Variants in CPNE5 observed in about 807,000 individuals in gnomAD.
CPNE5 encodes the protein copine-5.
In CPNE5, 42 loss-of-function variants were observed where a neutral mutation model predicts 81.1. The ratio of observed to expected loss-of-function variants is 0.52; its 90% CI spans 0.40 to 0.67. CPNE5 has a LOEUF of 0.67. Among genes scored for constraint, CPNE5 ranks in the 30% least tolerant of loss-of-function variants. The pLI is 0.00. For missense variants in CPNE5, 612 were observed against 815.5 expected (o/e 0.75, Z 3.04); for synonymous variants, 313 against 321.5 (o/e 0.97, Z 0.28).
At chr6:36,783,037 C>T (rs1370208631) in intron 8 of CPNE5, among the ~76,000 whole-genome samples, 5 of 152,166 alleles carry the variant, frequency 3.3e-5, no homozygotes, top group African/African-American at 9.7e-5. Context: ...GCCTGTGTCA[C>T]ATCCTGGTCC....
chr6:36,807,912 C>T lies in CPNE5; in HGVS notation c.184-7842G>A, dbSNP rs546700647. 5.9e-4 allele frequency among the ~76,000 whole-genome samples: 90 copies of T among 152,206 alleles called. 1 individual carries two copies. In the South Asian group the frequency reaches 0.018, roughly 31 times the overall value. ...AGAGACCTGGGGCCTAGAGAAGAAA[C>T]TCACTGTGGCCACCAGCAGGGAAGG... On this transcript the variant is annotated intron_variant, in intron 3 of 20. Coordinates refer to ENST00000244751, the MANE Select transcript of CPNE5 (RefSeq NM_020939.2).
intron 3 of CPNE5, among the ~76,000 whole-genome samples, chr6:36,801,485 C>T (rs1048171272): frequency 6.6e-6 from 1 of 152,196 alleles, no homozygotes; most frequent in Non-Finnish European, 1.5e-5. Context: ...CTAGGCCAAC[C>T]ATCCCATCAA....
intron 17 of CPNE5, 74 bp from the exon 18 acceptor site, chr6:36,745,224 G>A: frequency 6.9e-7 from 1 of 1,449,154 alleles, no homozygotes; most frequent in Non-Finnish European, 9.6e-7. Flanking sequence ...CAAGGACCCT[G>A]AACACTTTGG....
At chr6:36,832,614 TTGA>T (rs1306071268) in intron 1 of CPNE5, among the ~76,000 whole-genome samples, 1 of 150,198 alleles carries the variant, frequency 6.7e-6, no homozygotes, top group East Asian at 1.9e-4. Context: ...GACTGGGTCC[TTGA>T]TGATAAAGTG....
At chr6:36,778,231 A>G (rs1257691562) in intron 9 of CPNE5, among the ~76,000 whole-genome samples, 2 of 152,172 alleles carry the variant, frequency 1.3e-5, no homozygotes, top group African/African-American at 4.8e-5. Context: ...CTCCCTGCAT[A>G]TATTACTGAC....
chr6:36,802,908 T>C (rs1231133662), intron 3 of CPNE5, among the ~76,000 whole-genome samples: 1 of 151,888 alleles, frequency 6.6e-6, no homozygotes, highest in Non-Finnish European at 1.5e-5. Flanking sequence ...TAAAATAAAA[T>C]TGAGCCAGGC....
intron 15 of CPNE5, among the ~76,000 whole-genome samples, chr6:36,747,087 C>T (rs1764253862): frequency 6.6e-6 from 1 of 152,088 alleles, no homozygotes; most frequent in Admixed American, 6.6e-5. Context: ...GATGGCTGTT[C>T]CCTCTACCTG....
intron 3 of CPNE5, among the ~76,000 whole-genome samples, chr6:36,819,763 C>T (rs1771878894): frequency 6.6e-6 from 1 of 152,138 alleles, no homozygotes; most frequent in Non-Finnish European, 1.5e-5. Flanking sequence ...TGCCTCCTAC[C>T]CCTCTCTTAG....
chr6:36,805,398 C>T (rs1481087182), intron 3 of CPNE5, among the ~76,000 whole-genome samples: 1 of 152,256 alleles, frequency 6.6e-6, no homozygotes, highest in African/African-American at 2.4e-5. Context: ...CCTCTGTCCA[C>T]ACTTTGGGCT....
chr6:36,819,055 A>G (rs1041529142), intron 3 of CPNE5, among the ~76,000 whole-genome samples: 5 of 152,224 alleles, frequency 3.3e-5, no homozygotes, highest in African/African-American at 1.2e-4. Flanking sequence ...GTGGAATAGT[A>G]AACTTTAGCC....
At chr6:36,764,691 G>A (rs563818899) in intron 11 of CPNE5, among the ~76,000 whole-genome samples, 1 of 152,218 alleles carries the variant, frequency 6.6e-6, no homozygotes, top group African/African-American at 2.4e-5. Context: ...CCCCGAGTGG[G>A]AAGCACCCTC....
At chr6:36,833,651 A>G (rs1773160007) in intron 1 of CPNE5, among the ~76,000 whole-genome samples, 1 of 152,216 alleles carries the variant, frequency 6.6e-6, no homozygotes, top group Admixed American at 6.5e-5. Context: ...AAGAAAACAG[A>G]ACTTTAATCT....
At chr6:36,811,924 T>A (rs1434036309) in intron 3 of CPNE5, among the ~76,000 whole-genome samples, 2 of 151,998 alleles carry the variant, frequency 1.3e-5, no homozygotes, top group South Asian at 2.1e-4. Context: ...GCCAACATGG[T>A]GAAACCCCAT....
At chr6:36,828,593 G>C (rs868805700) in intron 1 of CPNE5, among the ~76,000 whole-genome samples, 2 of 152,222 alleles carry the variant, frequency 1.3e-5, no homozygotes, top group African/African-American at 4.8e-5. Flanking sequence ...TCCTGGGGCA[G>C]GACCCATAAT....
At chr6:36,807,152 G>A (rs140318254) in intron 3 of CPNE5, among the ~76,000 whole-genome samples, 84 of 152,344 alleles carry the variant, frequency 5.5e-4, no homozygotes, top group African/African-American at 1.8e-3. Context: ...AGGGAAGCAC[G>A]TCTTCAAAAA....
intron 1 of CPNE5, among the ~76,000 whole-genome samples, chr6:36,825,951 G>A (rs1772465942): frequency 6.6e-6 from 1 of 152,182 alleles, no homozygotes; most frequent in Non-Finnish European, 1.5e-5. Context: ...GAATGTTCAA[G>A]CTGGAGAGGA....
chr6:36,786,185 G>T (rs1328253526), intron 8 of CPNE5, among the ~76,000 whole-genome samples: 1 of 152,098 alleles, frequency 6.6e-6, no homozygotes, highest in African/African-American at 2.4e-5. Context: ...TCCAGTAGGA[G>T]GAAACACACC....
chr6:36,777,786 A>G (rs2150462730), intron 9 of CPNE5, among the ~76,000 whole-genome samples: 1 of 105,778 alleles, frequency 9.5e-6, no homozygotes, highest in East Asian at 3.4e-4. Flanking sequence ...ACACACACAC[A>G]CACACACACA....
chr6:36,837,518 G>C (rs1237416102), intron 1 of CPNE5, among the ~76,000 whole-genome samples: 1 of 152,124 alleles, frequency 6.6e-6, no homozygotes, highest in Non-Finnish European at 1.5e-5. Flanking sequence ...GAGAGGGGAG[G>C]GATGACGTCT....
Sources: allele counts gnomAD v4.1 joint callset (sites outside exome capture counted in the v4.1 genomes callset), GRCh38; gene constraint gnomAD v4.1.1; transcripts MANE v1.5; gene names NCBI Gene and HGNC (gene_info 2026-07-23, HGNC 2026-07-21).